Variants in PAX5 observed in about 807,000 individuals in gnomAD.
The protein encoded by PAX5 is paired box protein Pax-5.
In PAX5, 9 loss-of-function variants were observed where a neutral mutation model predicts 43.7. That is an observed-to-expected ratio of 0.21 (90% CI 0.12 to 0.36). PAX5 has a LOEUF of 0.36. PAX5 is among the 10% of genes least tolerant of loss of function. PAX5 has a pLI of 1.00. For missense variants in PAX5, 383 were observed against 532.7 expected (o/e 0.72, Z 2.77); for synonymous variants, 228 against 214.3 (o/e 1.06, Z -0.56).
At chr9:36,909,654 G>A (rs1268021176) in intron 7 of PAX5, among the ~76,000 whole-genome samples, 1 of 152,150 alleles carries the variant, frequency 6.6e-6, no homozygotes, top group African/African-American at 2.4e-5. Context: ...GGTAAGGTAA[G>A]TGGATGAAGC....
chr9:37,006,349 G>C (rs1190805381), intron 4 of PAX5, 124 bp downstream of exon 4: 1 of 613,494 alleles, frequency 1.6e-6, no homozygotes, highest in East Asian at 2.7e-5. Flanking sequence ...TGACAAAGAA[G>C]GCGCATTAGT....
rs573392372 is a variant in PAX5 at position 37,022,898 on chromosome 9, G to A, written c.47-2097C>T. Among the ~76,000 whole-genome samples the A allele has an allele frequency of 2.0e-5, 3 of 152,280 alleles. No individual in the cohort carries two copies. In the South Asian group the frequency reaches 6.2e-4, roughly 32 times the overall value. On this transcript the variant is annotated intron_variant, in intron 1 of 9. Coordinates refer to ENST00000358127, the MANE Select transcript of PAX5 (RefSeq NM_016734.3). ...GTTACCTTCCTCAACTTCCTTGAAA[G>A]GTCCCCAAGACCCCTTGGCCTTCTC...
intron 5 of PAX5, among the ~76,000 whole-genome samples, chr9:36,979,722 C>T (rs898508543): frequency 6.6e-6 from 1 of 152,146 alleles, no homozygotes; most frequent in Non-Finnish European, 1.5e-5. Flanking sequence ...GTGCCTTGTA[C>T]CCCAGTGAGG....
intron 5 of PAX5, among the ~76,000 whole-genome samples, chr9:36,997,453 G>A (rs999947485): frequency 2.0e-5 from 3 of 152,188 alleles, no homozygotes; most frequent in Admixed American, 6.5e-5. Flanking sequence ...GGAGAGCGGC[G>A]GAAGGAGGTC....
chr9:36,944,632 A>G lies in PAX5; in HGVS notation c.781-21148T>C, dbSNP rs555314040. Among the ~76,000 whole-genome samples the G allele has an allele frequency of 2.0e-4, 31 of 152,228 alleles. 1 individual carries two copies. In the South Asian group the frequency reaches 6.4e-3, roughly 32 times the overall value. ...CAGAGGTTTTCTGACTAACTCTCAA[A>G]CCAGGTGGAATTTCTCCCCAAAACC... On this transcript the variant is annotated intron_variant, in intron 6 of 9. Coordinates refer to ENST00000358127, the MANE Select transcript of PAX5 (RefSeq NM_016734.3).
chr9:36,943,529 T>TTCACACACACACACAC lies in PAX5; in HGVS notation c.781-20046_781-20045insGTGTGTGTGTGTGTGA, dbSNP rs35815065. ...TGAGTATTTGTGGATTAGTTCAACA[T>TTCACACACACACACAC]ACACACACACACACACACACACACA... On this transcript the variant is annotated intron_variant, in intron 6 of 9. Transcript: ENST00000358127. Among the ~76,000 whole-genome samples the TTCACACACACACACAC allele has an allele frequency of 4.7e-3, 687 of 145,996 alleles. 10 individuals are homozygous for TTCACACACACACACAC. The highest frequency in any genetic ancestry group is 0.015 in the East Asian group (74 of 4,784).
At chr9:37,014,961 C>G (rs1396529334) in intron 3 of PAX5, 36 bp downstream of exon 3, 1 of 1,598,338 alleles carries the variant, frequency 6.3e-7, no homozygotes, top group Admixed American at 1.7e-5. Context: ...TGCCATCCCT[C>G]CAAATCCCCA....
At chr9:36,989,005 A>C (rs145320368) in intron 5 of PAX5, among the ~76,000 whole-genome samples, 886 of 152,244 alleles carry the variant, frequency 5.8e-3, no homozygotes, top group Non-Finnish European at 7.6e-3. Flanking sequence ...ACCCCAGTCT[A>C]CTCACGGTGC....
At chr9:36,879,656 G>C (rs1373662177) in intron 8 of PAX5, among the ~76,000 whole-genome samples, 1 of 152,198 alleles carries the variant, frequency 6.6e-6, no homozygotes, top group Non-Finnish European at 1.5e-5. Flanking sequence ...GGCTTCTCCG[G>C]GGCTTCTCTG....
At chr9:36,862,788 G>C (rs1824347818) in intron 8 of PAX5, among the ~76,000 whole-genome samples, 1 of 152,190 alleles carries the variant, frequency 6.6e-6, no homozygotes, top group Non-Finnish European at 1.5e-5. Flanking sequence ...TGTATGCTGG[G>C]AGCAGGTGGT....
rs1421601180 is a variant in PAX5 at position 36,910,452 on chromosome 9, A to C, written c.910+12903T>G. Reference sequence around the variant, plus strand: ...CTATTCTGTATATAACAAGGTCTCCACGGATGGACATTGGGGTGTATCTCC... The same window carrying C: ...CTATTCTGTATATAACAAGGTCTCCCCGGATGGACATTGGGGTGTATCTCC... On this transcript the variant is annotated intron_variant, in intron 7 of 9. Coordinates refer to ENST00000358127, the MANE Select transcript of PAX5 (RefSeq NM_016734.3). 2.0e-5 allele frequency among the ~76,000 whole-genome samples: 3 copies of C among 152,236 alleles called. No individual in the cohort carries two copies. In the East Asian group the frequency reaches 5.8e-4, roughly 29 times the overall value.
At chr9:36,942,318 G>A (rs986775176) in intron 6 of PAX5, among the ~76,000 whole-genome samples, 1 of 152,240 alleles carries the variant, frequency 6.6e-6, no homozygotes, top group Non-Finnish European at 1.5e-5. Context: ...CAGAGCCCAG[G>A]TCTCAGGAAA....
chr9:36,912,185 T>C (rs1252050423), intron 7 of PAX5, among the ~76,000 whole-genome samples: 2 of 152,200 alleles, frequency 1.3e-5, no homozygotes, highest in Admixed American at 6.5e-5. Flanking sequence ...TGTCTCTTTG[T>C]CTTATGCCCC....
chr9:37,030,736 C>G (rs769788333), intron 1 of PAX5, among the ~76,000 whole-genome samples: 47 of 152,238 alleles, frequency 3.1e-4, no homozygotes, highest in Non-Finnish European at 5.3e-4. Flanking sequence ...GGACACACCC[C>G]CTCCCGGCTT....
intron 5 of PAX5, among the ~76,000 whole-genome samples, chr9:36,976,161 G>A (rs1835410517): frequency 6.6e-6 from 1 of 152,190 alleles, no homozygotes; most frequent in African/African-American, 2.4e-5. Flanking sequence ...GAACTAGAGT[G>A]GATGATAAAC....
chr9:36,993,583 G>C (rs931256312), intron 5 of PAX5, among the ~76,000 whole-genome samples: 3 of 152,252 alleles, frequency 2.0e-5, no homozygotes, highest in African/African-American at 7.2e-5. Flanking sequence ...AGCAGGGGCA[G>C]GGGTTTGAAG....
intron 5 of PAX5, 25 bp from the exon 6 acceptor site, chr9:36,966,749 G>T (rs761093661): frequency 1.2e-6 from 2 of 1,606,704 alleles, no homozygotes; most frequent in African/African-American, 2.7e-5. Flanking sequence ...AGAGAGGAAG[G>T]GTGAGTGGAG....
At chr9:36,846,450 C>T (rs1203779957) in intron 9 of PAX5, among the ~76,000 whole-genome samples, 1 of 152,222 alleles carries the variant, frequency 6.6e-6, no homozygotes, top group Non-Finnish European at 1.5e-5. Flanking sequence ...CACTACCAAT[C>T]GATTCAAGTT....
chr9:36,923,723 T>A (rs1013639403), intron 6 of PAX5, among the ~76,000 whole-genome samples: 1 of 152,118 alleles, frequency 6.6e-6, no homozygotes, highest in African/African-American at 2.4e-5. Context: ...TCAGTGCAAC[T>A]TCACAAGAAT....
Sources: allele counts gnomAD v4.1 joint callset (sites outside exome capture counted in the v4.1 genomes callset), GRCh38; gene constraint gnomAD v4.1.1; transcripts MANE v1.5; gene names NCBI Gene and HGNC (gene_info 2026-07-23, HGNC 2026-07-21).